VWF: variants seen among roughly 807,000 people sequenced by gnomAD.
The protein encoded by VWF is von Willebrand factor, also known as Factor VIII related antigen.
In VWF, 176 loss-of-function variants were observed where a neutral mutation model predicts 308.6. That is an observed-to-expected ratio of 0.57 (90% CI 0.50 to 0.65). The LOEUF is 0.65. VWF is among the 30% of genes least tolerant of loss of function. VWF has a pLI of 0.00. For synonymous variants in VWF, 1,385 were observed against 1,443.4 expected (o/e 0.96, Z 0.92); for missense variants, 3,146 against 3,648.2 (o/e 0.86, Z 3.55).
intron 47 of VWF, among the ~76,000 whole-genome samples, chr12:5,956,369 A>G (rs930782615): frequency 6.6e-6 from 1 of 152,204 alleles, no homozygotes; most frequent in Non-Finnish European, 1.5e-5. Context: ...CGACATCTCC[A>G]TGAGTGTTAT....
intron 34 of VWF, among the ~76,000 whole-genome samples, chr12:6,005,229 A>G (rs1943912752): frequency 1.3e-5 from 2 of 152,204 alleles, no homozygotes; most frequent in East Asian, 1.9e-4. Context: ...ACAGTGTGGT[A>G]ATTAAGACAA....
At chr12:6,082,803 C>T (rs954090660) in intron 6 of VWF, among the ~76,000 whole-genome samples, 1 of 152,202 alleles carries the variant, frequency 6.6e-6, no homozygotes, top group African/African-American at 2.4e-5. Context: ...CTCAAGTAAA[C>T]CCTGTTAAAT....
chr12:6,019,633 A>G lies in VWF; in HGVS notation c.3785T>C (p.Ile1262Thr). 6.2e-7 allele frequency: 1 copy of G among 1,613,922 alleles called. No individual in the cohort carries two copies. Among genetic ancestry groups the G allele is most frequent in the Non-Finnish European group, 8.5e-7 (1 of 1,179,846 alleles). ...GAAATCGTGCAACGGCGGTTCCGAG[A>G]TGTCCTCCACATACAGAGTGGTGGG... is the stretch of plus-strand genomic sequence containing the variant. The part of the protein sequence containing the change: ...VSPTTLYVED[I>T]SEPPLHDFYC... The change falls in exon 28 of 52, where the codon ATC becomes ACC. Residue 1262 changes from isoleucine (I) to threonine (T), a missense_variant. By Grantham distance (89) the Ile-to-Thr change is moderately conservative (BLOSUM62 -1). Transcript: ENST00000261405. The surrounding 1 kb of genome is among the most constrained non-coding windows in gnomAD (Gnocchi z 5.8).
chr12:6,002,618 A>G (rs1273831935), intron 34 of VWF, among the ~76,000 whole-genome samples: 1 of 152,114 alleles, frequency 6.6e-6, no homozygotes, highest in African/African-American at 2.4e-5. Context: ...TCTTAAGCAC[A>G]CCAATTTACA....
chr12:6,047,080 A>G (rs964928451), intron 16 of VWF, among the ~76,000 whole-genome samples: 2 of 152,072 alleles, frequency 1.3e-5, no homozygotes, highest in African/African-American at 4.8e-5. Context: ...GAAAAAAAAT[A>G]TTTCTCTCTC....
intron 40 of VWF, among the ~76,000 whole-genome samples, chr12:5,983,837 AATAG>A (rs1293182960): frequency 6.8e-6 from 1 of 147,068 alleles, no homozygotes; most frequent in Non-Finnish European, 1.5e-5. Flanking sequence ...ATAGATGATA[AATAG>A]ATATATAGCT....
chr12:6,058,456 C>G lies in VWF; in HGVS notation c.1534-412G>C, dbSNP rs61587047. Among the ~76,000 whole-genome samples the G allele has an allele frequency of 0.03, 4,544 of 152,252 alleles. 234 individuals carry two copies. Among genetic ancestry groups the G allele is most frequent in the African/African-American group, 0.1 (4,286 of 41,536 alleles). On this transcript the variant is annotated intron_variant, in intron 13 of 51. Transcript: ENST00000261405. The surrounding 1 kb of genome is among the most constrained non-coding windows in gnomAD (Gnocchi z 4.9). ...CATCCACACCAGTGGGCCTGACCCC[C>G]CCACCCAGAGTTACGTGCAAACTCA...
At position 6,019,960 on chromosome 12, in the gene VWF, G is replaced by A. The variant is rs750972373; in HGVS notation, c.3675-217C>T. 4.9e-4 allele frequency among the ~76,000 whole-genome samples: 75 copies of A among 152,076 alleles called. No homozygotes were observed. Among genetic ancestry groups the A allele is most frequent in the Admixed American group, 3.3e-4 (5 of 15,280 alleles). ...CCACCTTCAAAACACACACATAGCC[G>A]ACTTCCTTTGATTCTAGAAACCAAA... On this transcript the variant is annotated intron_variant, in intron 27 of 51. Transcript: ENST00000261405. This position sits in a 1 kb window ranked among gnomAD's most constrained non-coding sequence, Gnocchi z 5.8.
intron 12 of VWF, 102 bp downstream of exon 12, chr12:6,064,144 G>A (rs916042512): frequency 5.1e-6 from 8 of 1,571,586 alleles, no homozygotes; most frequent in Admixed American, 3.4e-5. Flanking sequence ...TCCCATGGAA[G>A]AGGCATGCAG....
rs1944647576 is a variant in VWF, at chr12:6,060,857, A to G, written c.1533+2097T>C. On this transcript the variant is annotated intron_variant, in intron 13 of 51. Transcript: ENST00000261405. The surrounding 1 kb of genome is among the most constrained non-coding windows in gnomAD (Gnocchi z 5.1). Reference sequence around the variant, plus strand: ...ACGGCCCTGCTGATCAAGGGGAGAAAGTGCATGGGTGGAGAGCACCCTCTC... The same window carrying G: ...ACGGCCCTGCTGATCAAGGGGAGAAGGTGCATGGGTGGAGAGCACCCTCTC... Among the ~76,000 whole-genome samples the G allele has an allele frequency of 6.6e-6, 1 of 152,102 alleles. No individual in the cohort carries two copies. Among genetic ancestry groups the G allele is most frequent in the South Asian group, 2.1e-4 (1 of 4,826 alleles).
chr12:6,085,650 A>G (rs2239148), intron 6 of VWF, among the ~76,000 whole-genome samples: 25,940 of 148,578 alleles, frequency 0.17, 2,666 homozygotes, highest in East Asian at 0.46. Context: ...CAACATAAAA[A>G]GCCAAGTTCC....
intron 43 of VWF, 65 bp from the exon 44 acceptor site, chr12:5,971,774 C>A: frequency 7.3e-7 from 1 of 1,373,526 alleles, no homozygotes; most frequent in Non-Finnish European, 1.0e-6. Flanking sequence ...CTCTTACCTA[C>A]GCCTCCTGCG....
chr12:6,107,255 C>T (rs1945254380), intron 5 of VWF, among the ~76,000 whole-genome samples: 1 of 152,160 alleles, frequency 6.6e-6, no homozygotes, highest in African/African-American at 2.4e-5. Flanking sequence ...CCACCAGGAG[C>T]TAGGAGTTGG....
chr12:6,062,582 A>C (rs535851382), intron 13 of VWF, among the ~76,000 whole-genome samples: 1 of 152,108 alleles, frequency 6.6e-6, no homozygotes, highest in South Asian at 2.1e-4. Context: ...CTTAGCTGAG[A>C]GTGCCAATCT....
At chr12:5,998,489 AAAAAAAAAAATATAT>A (rs1943834465) in intron 34 of VWF, among the ~76,000 whole-genome samples, 1 of 43,480 alleles carries the variant, frequency 2.3e-5, no homozygotes, top group South Asian at 1.1e-3. Context: ...AAAAAAAAAA[AAAAAAAAAAATATAT>A]ATATATATAT....
Position 6,011,736 on chromosome 12 carries a change from C to G in VWF, c.5723G>C (p.Gly1908Ala), listed in dbSNP as rs761406405. ...QCHTVTCQPD[G>A]QTLLKSHRVN... ...CCGATGACTCTTCAGCAAGGTCTGG[C>G]CATCTGGCTGGCAAGTCACGGTGTG... Residue 1908 changes from glycine (G) to alanine (A), a missense_variant, in exon 34 of 52, where the codon GGC becomes GCC. Physicochemically the swap from Gly to Ala is moderately conservative, Grantham distance 60. Around this residue, in one of 3 missense-constraint regions of VWF, gnomAD observed 853 missense variants for 1,177.8 expected, o/e 0.72. Transcript: ENST00000261405. 4.3e-6 allele frequency: 7 copies of G among 1,613,638 alleles called. No individual in the cohort carries two copies. The highest frequency in any genetic ancestry group is 5.9e-6 in the Non-Finnish European group (7 of 1,179,820).
intron 5 of VWF, among the ~76,000 whole-genome samples, chr12:6,096,381 C>A (rs992251099): frequency 2.0e-5 from 3 of 152,172 alleles, no homozygotes; most frequent in Admixed American, 6.5e-5. Flanking sequence ...CAGCTCTACT[C>A]CCATTTCGCA....
At chr12:6,065,455 G>A (rs988804890) in intron 10 of VWF, among the ~76,000 whole-genome samples, 182 bp from the exon 11 acceptor site, 3 of 152,238 alleles carry the variant, frequency 2.0e-5, no homozygotes, top group Non-Finnish European at 4.4e-5. Context: ...AAAACTGCAA[G>A]ATGTCAGAGC....
chr12:6,072,801 A>G (rs1201214558), intron 8 of VWF, among the ~76,000 whole-genome samples: 1 of 152,176 alleles, frequency 6.6e-6, no homozygotes, highest in African/African-American at 2.4e-5. Context: ...GAAGGGAGTC[A>G]AGAGTTTTGT....
Sources: allele counts gnomAD v4.1 joint callset (sites outside exome capture counted in the v4.1 genomes callset), GRCh38; gene constraint gnomAD v4.1.1; regional missense constraint gnomAD v4.1.1; non-coding constraint Gnocchi (gnomAD v3.1); transcripts MANE v1.5; gene names NCBI Gene and HGNC (gene_info 2026-07-23, HGNC 2026-07-21).